The following ZFHX3 variants were observed in gnomAD, a reference collection of about 807,000 sequenced individuals.
ZFHX3 encodes the protein zinc finger homeobox protein 3.
ZFHX3 carries 42 observed loss-of-function variants against 279.1 expected under a neutral mutation model. The ratio of observed to expected loss-of-function variants is 0.15; its 90% CI spans 0.12 to 0.19. ZFHX3 has a LOEUF of 0.19. ZFHX3 is among the 10% of genes least tolerant of loss of function. The pLI, the probability that ZFHX3 is intolerant of heterozygous loss-of-function variation, is 1.00. For missense variants in ZFHX3, 4,981 were observed against 4,754.0 expected, an observed-to-expected ratio of 1.05 and a Z score of -1.40; for synonymous variants, 2,293 against 1,957.8, an observed-to-expected ratio of 1.17 and a Z score of -4.52.
intron 9 of ZFHX3, among the ~76,000 whole-genome samples, chr16:72,791,787 A>G (rs1239194186): frequency 6.6e-6 from 1 of 152,244 alleles, no homozygotes; most frequent in Non-Finnish European, 1.5e-5. Context: ...CATATAAGCA[A>G]CAACTTCTAT....
intron 5 of ZFHX3, among the ~76,000 whole-genome samples, chr16:73,154,202 G>T (rs903866026): frequency 9.2e-5 from 14 of 152,178 alleles, no homozygotes; most frequent in Non-Finnish European, 1.6e-4. Context: ...TGGCATCCAC[G>T]TGACATGGCT....
rs34987461 is a variant in ZFHX3, at chr16:73,004,321, C to CTTTTTTTTT, written c.-50+43422_-50+43430dup. Among the ~76,000 whole-genome samples the CTTTTTTTTT allele has an allele frequency of 1.2e-4, 6 of 52,100 alleles. 1 individual carries two copies. Among genetic ancestry groups the CTTTTTTTTT allele is most frequent in the Admixed American group, 6.2e-4 (2 of 3,212 alleles). 34.2% of individuals were successfully genotyped at this position (52,100 alleles called of 152,430 possible). ...TTTTTCTCTATCTGTATGCATCAATCTTTTTTTTTTTTTTTTTTTTTTTTT... is the reference window on the plus strand; with the variant it reads ...TTTTTCTCTATCTGTATGCATCAATCTTTTTTTTTTTTTTTTTTTTTTTTTTTTTTTTTT... On this transcript the variant is annotated intron_variant, in intron 1 of 9. Coordinates refer to ENST00000268489, the MANE Select transcript of ZFHX3 (RefSeq NM_006885.4).
At chr16:72,903,271 G>A (rs538187198) in intron 3 of ZFHX3, among the ~76,000 whole-genome samples, 1 of 152,294 alleles carries the variant, frequency 6.6e-6, no homozygotes, top group Admixed American at 6.5e-5. Flanking sequence ...TCAAAGTGTG[G>A]CTCCTCAACC....
chr16:73,210,801 G>C (rs78062327), intron 5 of ZFHX3, among the ~76,000 whole-genome samples: 11,195 of 152,142 alleles, frequency 0.074, 908 homozygotes, highest in East Asian at 0.46. Flanking sequence ...ACCACAGAAA[G>C]AGGAAAGAGG....
chr16:73,113,682 A>G (rs892750803), intron 7 of ZFHX3, among the ~76,000 whole-genome samples: 1 of 150,880 alleles, frequency 6.6e-6, no homozygotes, highest in Non-Finnish European at 1.5e-5. Flanking sequence ...TTAAACACGG[A>G]TGGCGGGTCT....
At chr16:73,811,123 G>C (rs958381533) in intron 1 of ZFHX3, among the ~76,000 whole-genome samples, 2 of 152,116 alleles carry the variant, frequency 1.3e-5, no homozygotes, top group South Asian at 2.1e-4. Flanking sequence ...TCACATTATG[G>C]TGTGACAGTA....
chr16:73,313,835 C>T (rs1443329414), intron 4 of ZFHX3, among the ~76,000 whole-genome samples: 6 of 152,200 alleles, frequency 3.9e-5, no homozygotes, highest in African/African-American at 1.2e-4. Flanking sequence ...CAGTCAGCCA[C>T]GGTAGCTCAC....
chr16:73,423,936 T>G (rs1401016152), intron 3 of ZFHX3, among the ~76,000 whole-genome samples: 1 of 151,796 alleles, frequency 6.6e-6, no homozygotes, highest in Non-Finnish European at 1.5e-5. Context: ...ATTGGGTCTC[T>G]GTGAGATGTT....
intron 4 of ZFHX3, among the ~76,000 whole-genome samples, chr16:72,875,088 T>G (rs576875389): frequency 6.6e-6 from 1 of 152,292 alleles, no homozygotes; most frequent in South Asian, 2.1e-4. Context: ...TATGGGCCAG[T>G]GTTTGTTCCG....
At chr16:73,056,376 G>GT (rs1965556564) in intron 1 of ZFHX3, among the ~76,000 whole-genome samples, 1 of 151,028 alleles carries the variant, frequency 6.6e-6, no homozygotes, top group South Asian at 2.1e-4. Context: ...ACCTGCACTA[G>GT]TTAAAAAAAA....
chr16:73,531,891 C>A (rs1317211834), intron 2 of ZFHX3, among the ~76,000 whole-genome samples: 1 of 151,936 alleles, frequency 6.6e-6, no homozygotes, highest in African/African-American at 2.4e-5. Flanking sequence ...GAGTTTGAGA[C>A]CAGCCTGGGC....
chr16:73,434,404 C>T (rs2017962079), intron 3 of ZFHX3, among the ~76,000 whole-genome samples: 2 of 152,306 alleles, frequency 1.3e-5, no homozygotes, highest in South Asian at 2.1e-4. Context: ...AGTTTATCTA[C>T]TAAGGTCCTA....
intron 4 of ZFHX3, among the ~76,000 whole-genome samples, chr16:73,288,837 A>C (rs1490512134): frequency 1.3e-5 from 2 of 151,830 alleles, no homozygotes; most frequent in African/African-American, 4.8e-5. Context: ...ATTTCTGATG[A>C]AACTGCAGAA....
intron 6 of ZFHX3, among the ~76,000 whole-genome samples, chr16:73,139,889 A>G (rs866764812): frequency 1.3e-5 from 2 of 152,146 alleles, no homozygotes; most frequent in African/African-American, 4.8e-5. Flanking sequence ...CTTGAGGGAG[A>G]CCATGGTACT....
At chr16:73,240,659 C>A (rs1173712048) in intron 5 of ZFHX3, among the ~76,000 whole-genome samples, 1 of 152,180 alleles carries the variant, frequency 6.6e-6, no homozygotes, top group East Asian at 1.9e-4. Context: ...TGGGAACACA[C>A]ACATTGGGCG....
chr16:72,887,168 G>C (rs1266318570), intron 4 of ZFHX3, among the ~76,000 whole-genome samples: 1 of 152,208 alleles, frequency 6.6e-6, no homozygotes, highest in Non-Finnish European at 1.5e-5. Flanking sequence ...CGAAGGAGCA[G>C]TCAGATGATC....
chr16:73,135,200 T>C (rs989785922), intron 6 of ZFHX3, among the ~76,000 whole-genome samples: 3 of 152,226 alleles, frequency 2.0e-5, no homozygotes, highest in African/African-American at 4.8e-5. Context: ...GCAATAGAGC[T>C]TTCTGCCCTC....
At chr16:73,448,979 A>C (rs945950488) in intron 3 of ZFHX3, among the ~76,000 whole-genome samples, 1 of 152,236 alleles carries the variant, frequency 6.6e-6, no homozygotes. Context: ...GGTTCTAAAG[A>C]ACAAGGAAGT....
At chr16:73,865,237 G>A (rs1961980942) in intron 1 of ZFHX3, among the ~76,000 whole-genome samples, 1 of 152,198 alleles carries the variant, frequency 6.6e-6, no homozygotes, top group East Asian at 1.9e-4. Context: ...TTTGGGGAGG[G>A]TTTCTTATGC....
Sources: allele counts gnomAD v4.1 joint callset (sites outside exome capture counted in the v4.1 genomes callset), GRCh38; gene constraint gnomAD v4.1.1; transcripts MANE v1.5; gene names NCBI Gene and HGNC (gene_info 2026-07-23, HGNC 2026-07-21).